KALRN: variants seen among roughly 807,000 people sequenced by gnomAD.
KALRN encodes kalirin.
Under a neutral mutation model 353.7 loss-of-function variants are expected in KALRN, and 70 were observed. The ratio of observed to expected loss-of-function variants is 0.20; its 90% CI spans 0.16 to 0.24. The LOEUF is 0.24. Ranked by LOEUF, KALRN falls within the 10% of genes least tolerant of loss-of-function variation. KALRN has a pLI of 1.00. For synonymous variants in KALRN, 1,391 were observed against 1,434.8 expected, an observed-to-expected ratio of 0.97 and a Z score of 0.69; for missense variants, 2,791 against 3,756.7, an observed-to-expected ratio of 0.74 and a Z score of 6.72.
chr3:124,447,908 T>C (rs2093892601), intron 21 of KALRN, among the ~76,000 whole-genome samples: 1 of 152,208 alleles, frequency 6.6e-6, no homozygotes. Flanking sequence ...AGAGACTCAT[T>C]TCAATACCAG....
At position 124,469,689 on chromosome 3, in the gene KALRN, A is replaced by G. The variant is rs143743627; in HGVS notation, c.4032-4974A>G. 9.2e-5 allele frequency among the ~76,000 whole-genome samples: 14 copies of G among 152,300 alleles called. No homozygotes were observed. In the East Asian group the frequency reaches 2.5e-3, roughly 27 times the overall value. ...CATTTCCGACTTAATTTTTAAATGT[A>G]TGCTCCACGTTGTTCCTCTTTTTCC... On this transcript the variant is annotated intron_variant, in intron 25 of 59. Transcript: ENST00000682506.
intron 1 of KALRN, among the ~76,000 whole-genome samples, chr3:124,178,357 A>G (rs952164454): frequency 6.6e-6 from 1 of 152,254 alleles, no homozygotes; most frequent in African/African-American, 2.4e-5. Context: ...AAATACAACA[A>G]TTATAAGAAT....
intron 5 of KALRN, 104 bp from the exon 6 acceptor site, chr3:124,298,687 G>A (rs1437355990): frequency 7.6e-7 from 1 of 1,309,776 alleles, no homozygotes; most frequent in Non-Finnish European, 1.1e-6. Flanking sequence ...GGTTCTCACT[G>A]AGCACCAGCA....
intron 15 of KALRN, among the ~76,000 whole-genome samples, chr3:124,423,944 T>A (rs757392066): frequency 1.3e-5 from 2 of 152,240 alleles, no homozygotes; most frequent in Non-Finnish European, 2.9e-5. Flanking sequence ...TACCTATTTG[T>A]ACAAAGGTGG....
At chr3:124,088,143 A>G (rs1348410124) in intron 1 of KALRN, among the ~76,000 whole-genome samples, 1 of 152,024 alleles carries the variant, frequency 6.6e-6, no homozygotes, top group Non-Finnish European at 1.5e-5. Flanking sequence ...TCATGATGTG[A>G]GGCCAGGATT....
At chr3:124,366,602 T>C (rs1442183952) in intron 10 of KALRN, among the ~76,000 whole-genome samples, 15 of 150,868 alleles carry the variant, frequency 9.9e-5, no homozygotes, top group Non-Finnish European at 1.9e-4. Context: ...CCATGTCTAC[T>C]TCTTTCTACA....
intron 1 of KALRN, among the ~76,000 whole-genome samples, chr3:124,198,795 C>T (rs1359773337): frequency 3.9e-5 from 6 of 152,186 alleles, no homozygotes; most frequent in African/African-American, 9.7e-5. Flanking sequence ...GGTTAGGAAT[C>T]GCTGCTCTAG....
chr3:124,606,623 A>G (rs1413054689), intron 34 of KALRN, among the ~76,000 whole-genome samples: 1 of 152,222 alleles, frequency 6.6e-6, no homozygotes, highest in Non-Finnish European at 1.5e-5. Flanking sequence ...CACAGATCTC[A>G]TTATACATAA....
At chr3:124,625,808 C>T (rs1450990676) in intron 34 of KALRN, among the ~76,000 whole-genome samples, 18 of 152,156 alleles carry the variant, frequency 1.2e-4, no homozygotes, top group African/African-American at 2.7e-4. Context: ...AGGCTGGGCA[C>T]GGTGGCTCAC....
chr3:124,381,139 G>A (rs913965983), intron 10 of KALRN, among the ~76,000 whole-genome samples: 4 of 152,140 alleles, frequency 2.6e-5, no homozygotes, highest in African/African-American at 9.7e-5. Context: ...GCTAGCCTTG[G>A]GAGAGAAGAG....
chr3:124,233,188 GA>G (rs1447532980), intron 2 of KALRN, among the ~76,000 whole-genome samples: 3 of 152,000 alleles, frequency 2.0e-5, no homozygotes, highest in Non-Finnish European at 4.4e-5. Context: ...GGAAGGTCAG[GA>G]AAAAAACAAC....
intron 1 of KALRN, among the ~76,000 whole-genome samples, chr3:124,170,018 C>G: frequency 6.6e-6 from 1 of 152,188 alleles, no homozygotes; most frequent in Non-Finnish European, 1.5e-5. Context: ...GGTTGAAACT[C>G]AACCAAGAGC....
At chr3:124,665,627 G>C (rs993703913) in intron 45 of KALRN, among the ~76,000 whole-genome samples, 1 of 152,020 alleles carries the variant, frequency 6.6e-6, no homozygotes, top group Non-Finnish European at 1.5e-5. Context: ...ACCACCCCTG[G>C]CTAATTTTTA....
In KALRN at chr3:124,054,425, A is replaced by G. The variant is rs536878951; in HGVS notation, c.73+20612A>G. 2.0e-5 allele frequency among the ~76,000 whole-genome samples: 3 copies of G among 151,194 alleles called. No individual in the cohort carries two copies. In the South Asian group the frequency reaches 6.3e-4, roughly 32 times the overall value. Reference sequence around the variant, plus strand: ...AAGCCTCTGGAGGCAAATGGAGAACATGCTAAATACCCTCCTTCCCTACCT... The same window carrying G: ...AAGCCTCTGGAGGCAAATGGAGAACGTGCTAAATACCCTCCTTCCCTACCT... On this transcript the variant is annotated intron_variant, in intron 1 of 59. Coordinates refer to ENST00000682506, the MANE Select transcript of KALRN (RefSeq NM_001388419.1).
intron 15 of KALRN, 136 bp from the exon 16 acceptor site, chr3:124,430,520 G>T (rs1429128601): frequency 9.8e-7 from 1 of 1,020,220 alleles, no homozygotes; most frequent in East Asian, 2.5e-5. Flanking sequence ...TTTGATTATG[G>T]TGACATTTGC....
At chr3:124,431,664 G>A (rs954338499) in intron 16 of KALRN, among the ~76,000 whole-genome samples, 22 of 152,130 alleles carry the variant, frequency 1.4e-4, no homozygotes, top group East Asian at 3.8e-4. Context: ...ACTTCTGAGC[G>A]TGTAAGAAAT....
intron 1 of KALRN, among the ~76,000 whole-genome samples, chr3:124,216,848 A>G (rs2077383718): frequency 6.6e-6 from 1 of 152,198 alleles, no homozygotes; most frequent in South Asian, 2.1e-4. Context: ...TCTCCAGCAA[A>G]CATTAACTCA....
At chr3:124,131,265 A>G (rs2065241907) in intron 1 of KALRN, among the ~76,000 whole-genome samples, 1 of 152,130 alleles carries the variant, frequency 6.6e-6, no homozygotes, top group African/African-American at 2.4e-5. Flanking sequence ...CCTGCTTCCA[A>G]CTTGCTCTGG....
chr3:124,451,151 TAA>T (rs1661555200), intron 21 of KALRN, among the ~76,000 whole-genome samples: 2 of 152,184 alleles, frequency 1.3e-5, no homozygotes, highest in Middle Eastern at 3.4e-3. Flanking sequence ...GACAAAATCT[TAA>T]AGTCTTGTAA....
Sources: gnomAD v4.1 joint callset for allele counts (sites outside exome capture counted in the v4.1 genomes callset) on GRCh38, gnomAD v4.1.1 for gene constraint, MANE v1.5 for transcripts, NCBI Gene and HGNC (gene_info 2026-07-23, HGNC 2026-07-21) for gene names.